Variants in HPSE2 observed in about 807,000 individuals in gnomAD.
HPSE2 encodes heparanase 2 (inactive).
Under a neutral mutation model 60.5 loss-of-function variants are expected in HPSE2, and 38 were observed. The observed-to-expected ratio is 0.63, with a 90% confidence interval of 0.48 to 0.82. The LOEUF (loss-of-function observed/expected upper bound fraction) is 0.82, where lower values mean the gene tolerates loss of function less well. HPSE2 is among the 40% of genes least tolerant of loss of function. The pLI is 0.00. For missense variants in HPSE2, 713 were observed against 740.4 expected, an observed-to-expected ratio of 0.96 and a Z score of 0.43; for synonymous variants, 295 against 293.2, an observed-to-expected ratio of 1.01 and a Z score of -0.06.
chr10:98,696,499 G>C (rs750657780), intron 5 of HPSE2, among the ~76,000 whole-genome samples: 27 of 152,144 alleles, frequency 1.8e-4, no homozygotes, highest in Non-Finnish European at 2.9e-4. Flanking sequence ...CAGTCAGTGA[G>C]TGTGCTACCC....
rs568730618 is a variant in HPSE2, at chr10:98,582,262, G to A, written c.1320+32642C>T. Among the ~76,000 whole-genome samples the A allele has an allele frequency of 1.2e-3, 188 of 152,228 alleles. 3 individuals are homozygous for A. The highest frequency in any genetic ancestry group is 3.7e-4 in the Non-Finnish European group (25 of 68,004). On this transcript the variant is annotated intron_variant, in intron 9 of 11. Transcript: ENST00000370552. Reference sequence around the variant, plus strand: ...TTCTGTTGGACAAATGCAAGTTTTGGTTTACACTAAAATGTTTTACTGAAA... The same window carrying A: ...TTCTGTTGGACAAATGCAAGTTTTGATTTACACTAAAATGTTTTACTGAAA...
chr10:98,680,633 A>G (rs1947759368), intron 6 of HPSE2, among the ~76,000 whole-genome samples: 1 of 152,234 alleles, frequency 6.6e-6, no homozygotes, highest in Non-Finnish European at 1.5e-5. Flanking sequence ...TATTGAGTAC[A>G]CATATAAAAA....
intron 7 of HPSE2, among the ~76,000 whole-genome samples, chr10:98,621,954 G>A (rs1369624169): frequency 3.9e-5 from 6 of 152,142 alleles, no homozygotes; most frequent in South Asian, 2.1e-4. Context: ...TAATGAGGCT[G>A]GATAAAGAAA....
At chr10:98,728,854 T>TA (rs779738552) in intron 4 of HPSE2, among the ~76,000 whole-genome samples, 85 of 151,374 alleles carry the variant, frequency 5.6e-4, no homozygotes, top group Non-Finnish European at 1.0e-3. Context: ...CGAAAAATTT[T>TA]AAAAATTAGC....
At chr10:98,990,576 G>C (rs1049536398) in intron 3 of HPSE2, among the ~76,000 whole-genome samples, 1 of 152,228 alleles carries the variant, frequency 6.6e-6, no homozygotes, top group African/African-American at 2.4e-5. Flanking sequence ...GTGGCCTGGA[G>C]GTTGGGGACC....
intron 3 of HPSE2, among the ~76,000 whole-genome samples, chr10:98,885,707 T>A (rs1241922718): frequency 6.6e-6 from 1 of 152,144 alleles, no homozygotes; most frequent in African/African-American, 2.4e-5. Flanking sequence ...TTAATGTATG[T>A]ACTTTTTAAA....
chr10:98,583,741 G>A (rs957875792), intron 9 of HPSE2, among the ~76,000 whole-genome samples: 3 of 152,212 alleles, frequency 2.0e-5, no homozygotes, highest in Non-Finnish European at 4.4e-5. Flanking sequence ...TTTATTTCAT[G>A]TTCACACTAC....
intron 3 of HPSE2, among the ~76,000 whole-genome samples, chr10:98,832,662 T>G (rs1341386730): frequency 1.3e-5 from 2 of 152,168 alleles, no homozygotes; most frequent in South Asian, 4.1e-4. Context: ...ACGACCACTC[T>G]TTTCAGATTA....
chr10:99,030,731 GA>G (rs1288566038), intron 3 of HPSE2, among the ~76,000 whole-genome samples: 2 of 152,178 alleles, frequency 1.3e-5, no homozygotes, highest in African/African-American at 4.8e-5. Context: ...CCAAGATTTG[GA>G]AGCAACCTAA....
intron 9 of HPSE2, among the ~76,000 whole-genome samples, chr10:98,522,620 G>T (rs528252496): frequency 3.4e-4 from 51 of 152,192 alleles, no homozygotes; most frequent in African/African-American, 1.1e-3. Flanking sequence ...GATTACAGGC[G>T]CCCACCACAA....
intron 3 of HPSE2, among the ~76,000 whole-genome samples, chr10:98,957,984 A>C (rs1955551893): frequency 1.3e-5 from 2 of 152,142 alleles, no homozygotes; most frequent in South Asian, 4.1e-4. Context: ...ATCTGCAGAG[A>C]GAAGAAAGGG....
At chr10:99,278,978 G>A in the HPSE2 span, among the ~76,000 whole-genome samples, 1 of 152,090 alleles carries the variant, frequency 6.6e-6, no homozygotes, top group African/African-American at 2.4e-5. Flanking sequence ...AAAAATGCCT[G>A]TTTAGATTCT....
intron 11 of HPSE2, among the ~76,000 whole-genome samples, chr10:98,472,241 T>A (rs914009275): frequency 1.3e-5 from 2 of 152,078 alleles, no homozygotes; most frequent in East Asian, 3.8e-4. Context: ...CTTTTTACAG[T>A]GTCTATTTCG....
At chr10:99,133,314 C>T (rs1845519248) in intron 3 of HPSE2, among the ~76,000 whole-genome samples, 1 of 152,192 alleles carries the variant, frequency 6.6e-6, no homozygotes, top group African/African-American at 2.4e-5. Flanking sequence ...GGTGCAGTTT[C>T]CGCAAACTTA....
intron 3 of HPSE2, among the ~76,000 whole-genome samples, chr10:98,856,229 A>G (rs1250219306): frequency 6.6e-6 from 1 of 152,160 alleles, no homozygotes; most frequent in Non-Finnish European, 1.5e-5. Context: ...CAATCCCCTA[A>G]CAAGAATCAA....
intron 9 of HPSE2, among the ~76,000 whole-genome samples, chr10:98,557,215 A>G (rs918199176): frequency 1.3e-5 from 2 of 152,030 alleles, no homozygotes; most frequent in African/African-American, 4.8e-5. Context: ...TCTGTCTCCA[A>G]AGGAAAAAAA....
intron 2 of HPSE2, among the ~76,000 whole-genome samples, chr10:99,179,423 C>G (rs1261320061): frequency 6.6e-6 from 1 of 152,144 alleles, no homozygotes; most frequent in African/African-American, 2.4e-5. Flanking sequence ...GTCTCGGATA[C>G]AAAATCAATG....
chr10:99,108,309 A>G (rs1291980541), intron 3 of HPSE2, among the ~76,000 whole-genome samples: 1 of 152,170 alleles, frequency 6.6e-6, no homozygotes, highest in African/African-American at 2.4e-5. Flanking sequence ...GTATTTTATA[A>G]CTTTGGACTA....
chr10:98,698,515 C>CTAAA (rs1369957511), intron 5 of HPSE2, among the ~76,000 whole-genome samples: 1 of 151,914 alleles, frequency 6.6e-6, no homozygotes, highest in Admixed American at 6.6e-5. Context: ...ATTTATAGCA[C>CTAAA]TAAATGCCCA....
Sources: gnomAD v4.1 joint callset for allele counts (sites outside exome capture counted in the v4.1 genomes callset) on GRCh38, gnomAD v4.1.1 for gene constraint, MANE v1.5 for transcripts, NCBI Gene and HGNC (gene_info 2026-07-23, HGNC 2026-07-21) for gene names.